DEPDC5: variants seen among roughly 807,000 people sequenced by gnomAD.
DEPDC5 encodes the protein DEP domain containing 5, GATOR1 subcomplex subunit.
DEPDC5 carries 73 observed loss-of-function variants against 217.3 expected under a neutral mutation model. The observed-to-expected ratio is 0.34, with a 90% CI of 0.28 to 0.41. The LOEUF is 0.41. DEPDC5 is among the 10% of genes least tolerant of loss of function. DEPDC5 has a pLI of 1.00. For synonymous variants in DEPDC5, 733 were observed against 756.7 expected, an observed-to-expected ratio of 0.97 and a Z score of 0.51; for missense variants, 1,675 against 2,070.1, an observed-to-expected ratio of 0.81 and a Z score of 3.70.
At chr22:31,805,891 A>G (rs960945670) in intron 17 of DEPDC5, among the ~76,000 whole-genome samples, 2 of 152,134 alleles carry the variant, frequency 1.3e-5, no homozygotes, top group Non-Finnish European at 2.9e-5. Flanking sequence ...TGAGGCCAGG[A>G]GTTTGAAACC....
intron 41 of DEPDC5, among the ~76,000 whole-genome samples, chr22:31,903,607 C>CCCCCCACCT (rs1288211626): frequency 5.3e-4 from 1 of 1,894 alleles, no homozygotes; most frequent in Non-Finnish European, 1.1e-3. Context: ...TACACGTAAA[C>CCCCCCACCT]TCCCTCACCT....
intron 37 of DEPDC5, among the ~76,000 whole-genome samples, chr22:31,877,915 C>T (rs1054846503): frequency 2.6e-5 from 4 of 152,006 alleles, no homozygotes; most frequent in African/African-American, 7.2e-5. Flanking sequence ...TGGCCGGGAG[C>T]GGTGGCTCAC....
rs1371334628 is a variant in DEPDC5 at position 31,787,803 on chromosome 22, C to A, written c.624+2928C>A. The stretch of plus-strand genomic sequence containing the variant: ...ACCTGGGTGATAGGACAGAGCAAGA[C>A]CCTGTCTCTTTAAAAAAAAAAAAAA... On this transcript the variant is annotated intron_variant, in intron 10 of 42. Transcript: ENST00000651528. Among the ~76,000 whole-genome samples the A allele has an allele frequency of 1.7e-4, 25 of 148,490 alleles. 3 individuals carry two copies. The highest frequency in any genetic ancestry group is 1.5e-3 in the Admixed American group (23 of 14,856).
At chr22:31,769,042 C>CCT in intron 7 of DEPDC5, 179 bp downstream of exon 7, 1 of 640,088 alleles carries the variant, frequency 1.6e-6, no homozygotes. Flanking sequence ...GGGCGGATCA[C>CCT]GAGGTCAGGA....
At position 31,808,861 on chromosome 22, in the gene DEPDC5, G is replaced by A. The variant is rs571267833; in HGVS notation, c.1288-750G>A. ...ATTACAGGCATGAGCCTTTGTACTC[G>A]GCTACCATGATCATTTTAAAGAAGC... On this transcript the variant is annotated intron_variant, in intron 18 of 42. Transcript: ENST00000651528. 1.1e-4 allele frequency among the ~76,000 whole-genome samples: 16 copies of A among 152,204 alleles called. No homozygotes were observed. In the South Asian group the frequency reaches 3.1e-3, roughly 30 times the overall value.
chr22:31,757,853 T>G (rs1276159818), intron 2 of DEPDC5, among the ~76,000 whole-genome samples: 2 of 152,166 alleles, frequency 1.3e-5, no homozygotes, highest in African/African-American at 4.8e-5. Context: ...AACCTCTGCC[T>G]CCCGGGTTCA....
At chr22:31,879,473 G>A in intron 37 of DEPDC5, 52 bp from the exon 38 acceptor site, 1 of 1,548,038 alleles carries the variant, frequency 6.5e-7, no homozygotes, top group Non-Finnish European at 8.8e-7. Context: ...GCATCATGAA[G>A]AAAATAAGCA....
At chr22:31,821,106 T>G (rs887743655) in intron 22 of DEPDC5, among the ~76,000 whole-genome samples, 4 of 152,270 alleles carry the variant, frequency 2.6e-5, no homozygotes, top group South Asian at 2.1e-4. Context: ...TTCTGCTTCT[T>G]AGAGTCACAG....
chr22:31,873,103 T>A, intron 34 of DEPDC5, 152 bp from the exon 35 acceptor site: 1 of 1,453,814 alleles, frequency 6.9e-7, no homozygotes, highest in Non-Finnish European at 9.2e-7. Flanking sequence ...GATAACCCCC[T>A]GATATAGCTG....
At chr22:31,871,119 A>C (rs1395295478) in intron 34 of DEPDC5, among the ~76,000 whole-genome samples, 1 of 152,208 alleles carries the variant, frequency 6.6e-6, no homozygotes. Flanking sequence ...TGAATCACTA[A>C]TTGTGGCCAA....
At chr22:31,839,479 G>A (rs1303617950) in intron 27 of DEPDC5, among the ~76,000 whole-genome samples, 1 of 147,238 alleles carries the variant, frequency 6.8e-6, no homozygotes, top group Non-Finnish European at 1.5e-5. Flanking sequence ...CAATCAATGA[G>A]CTGTCTTAGT....
At chr22:31,801,114 G>A (rs1048250779) in intron 14 of DEPDC5, among the ~76,000 whole-genome samples, 4 of 151,642 alleles carry the variant, frequency 2.6e-5, no homozygotes, top group Admixed American at 2.6e-4. Context: ...CCAACATGGC[G>A]AAACCCCATC....
intron 10 of DEPDC5, among the ~76,000 whole-genome samples, chr22:31,786,951 T>G (rs2085059300): frequency 1.3e-5 from 2 of 152,240 alleles, no homozygotes; most frequent in African/African-American, 2.4e-5. Context: ...GCTAATTTTT[T>G]GTATTTTTAC....
intron 40 of DEPDC5, among the ~76,000 whole-genome samples, chr22:31,898,043 T>C (rs567686810): frequency 6.6e-6 from 1 of 152,234 alleles, no homozygotes; most frequent in South Asian, 2.1e-4. Context: ...GACTTGCATA[T>C]GCTATTTCGT....
chr22:31,796,557 G>A (rs2086263937), intron 12 of DEPDC5, among the ~76,000 whole-genome samples: 1 of 152,110 alleles, frequency 6.6e-6, no homozygotes, highest in Non-Finnish European at 1.5e-5. Flanking sequence ...ATGATAAATT[G>A]CCAGAAATGG....
In DEPDC5 at chr22:31,792,031, A is replaced by G. The variant is rs1400868304; in HGVS notation, c.625-2A>G. 3 of 1,602,574 alleles carry G rather than the reference A, an allele frequency of 1.9e-6. No homozygotes were observed. The highest frequency in any genetic ancestry group is 1.7e-5 in the Admixed American group (1 of 59,622). ...ACCCTGTTGTTCTCTACTCATGCTT[A>G]GGAGAAGAACTGTAGTCATGAAGTG... On this transcript the variant is annotated splice_acceptor_variant, in intron 10 of 42. Coordinates refer to ENST00000651528, the MANE Select transcript of DEPDC5 (RefSeq NM_001242896.3). LOFTEE classifies it high-confidence loss of function.
At chr22:31,846,038 C>T (rs1488883189) in intron 30 of DEPDC5, among the ~76,000 whole-genome samples, 1 of 151,932 alleles carries the variant, frequency 6.6e-6, no homozygotes, top group Non-Finnish European at 1.5e-5. Context: ...TGGAGTTTCC[C>T]CATTTTGCCC....
At chr22:31,811,166 T>G (rs1200532658) in intron 20 of DEPDC5, among the ~76,000 whole-genome samples, 1 of 151,550 alleles carries the variant, frequency 6.6e-6, no homozygotes, top group Non-Finnish European at 1.5e-5. Context: ...GCCTCCTGGG[T>G]TCAAGCGATT....
chr22:31,782,540 A>G (rs2084559473), intron 8 of DEPDC5, among the ~76,000 whole-genome samples: 1 of 152,194 alleles, frequency 6.6e-6, no homozygotes. Context: ...TTGTGGAGCA[A>G]AGGCTCTGTG....
Sources: gnomAD v4.1 joint callset for allele counts (sites outside exome capture counted in the v4.1 genomes callset) on GRCh38, gnomAD v4.1.1 for gene constraint, MANE v1.5 for transcripts, NCBI Gene and HGNC (gene_info 2026-07-23, HGNC 2026-07-21) for gene names.